Variants in ARRB1 observed in about 807,000 individuals in gnomAD.
ARRB1 encodes the protein arrestin beta 1.
ARRB1 carries 21 observed loss-of-function variants against 56.8 expected under a neutral mutation model. The observed-to-expected ratio is 0.37, with a 90% confidence interval of 0.26 to 0.53. ARRB1 has a LOEUF of 0.53. Ranked by LOEUF, ARRB1 falls within the 20% of genes least tolerant of loss-of-function variation. The probability of loss-of-function intolerance (pLI) is 0.88; values close to 1 mark genes in which losing one functional copy is unlikely to be tolerated. For synonymous variants in ARRB1, 210 were observed against 218.6 expected, an observed-to-expected ratio of 0.96 and a Z score of 0.35; for missense variants, 424 against 553.7, an observed-to-expected ratio of 0.77 and a Z score of 2.35.
At chr11:75,283,630 G>A (rs1246545988) in intron 4 of ARRB1, 147 bp from the exon 5 acceptor site, 32 of 796,524 alleles carry the variant, frequency 4.0e-5, no homozygotes, top group Non-Finnish European at 4.4e-5. Context: ...GTCTCCACCA[G>A]GAGGGCTGGT....
intron 1 of ARRB1, among the ~76,000 whole-genome samples, chr11:75,343,150 C>T (rs916533217): frequency 6.6e-6 from 1 of 152,128 alleles, no homozygotes; most frequent in Non-Finnish European, 1.5e-5. Flanking sequence ...CTTGACCTCA[C>T]AAGATGACAT....
At chr11:75,342,292 CCT>C (rs952810996) in intron 1 of ARRB1, among the ~76,000 whole-genome samples, 60 of 152,270 alleles carry the variant, frequency 3.9e-4, no homozygotes, top group African/African-American at 1.3e-3. Context: ...CTGAGCCTCC[CCT>C]GTTACATCTC....
intron 1 of ARRB1, among the ~76,000 whole-genome samples, chr11:75,299,623 C>A (rs2140458767): frequency 6.6e-6 from 1 of 152,274 alleles, no homozygotes; most frequent in Admixed American, 6.5e-5. Flanking sequence ...TTCCAGGAAG[C>A]CTTCCCTGAC....
rs951534835 is a variant in ARRB1, at chr11:75,272,958, C to T, written c.935G>A (p.Arg312His). 13 of 1,613,932 alleles carry T rather than the reference C, an allele frequency of 8.1e-6. No homozygotes were observed. The highest frequency in any genetic ancestry group is 1.1e-5 in the Non-Finnish European group (13 of 1,179,966). ...SSTLLREGAN[R>H]EILGIIVSYK... ...GGAAACAATGATCCCCAGGATCTCA[C>T]GGTTGGCACCTTCCCTCAACCTGCA... Residue 312 changes from arginine (R) to histidine (H), a missense_variant, in exon 12 of 16, where the codon CGT (arginine) becomes CAT (histidine). Physicochemically the swap from Arg to His is conservative, Grantham distance 29. This residue lies in a region of ARRB1 where 121 missense variants were observed against 147.3 expected (regional missense o/e 0.82). Transcript: ENST00000420843.
intron 1 of ARRB1, among the ~76,000 whole-genome samples, chr11:75,335,626 A>T (rs575053253): frequency 6.7e-6 from 1 of 150,248 alleles, no homozygotes; most frequent in South Asian, 2.1e-4. Flanking sequence ...TGAGTCTCGG[A>T]CCTGCCTGCG....
At position 75,263,862 on chromosome 11, in the gene ARRB1, C is replaced by A. The variant is rs1050605653; in HGVS notation, c.*2301G>T. The stretch of plus-strand genomic sequence containing the variant: ...TTGAGGTGCAGGAGGCTCGGGAAAC[C>A]AGCCTGACAAACGTTTTCCATGCAT... On this transcript the variant is annotated 3_prime_UTR_variant, in exon 16 of 16. Transcript: ENST00000420843. Among the ~76,000 whole-genome samples the A allele has an allele frequency of 6.6e-6, 1 of 152,128 alleles. No homozygotes were observed. The highest frequency in any genetic ancestry group is 2.1e-4 in the South Asian group (1 of 4,826).
At chr11:75,315,598 G>A (rs1184955084) in intron 1 of ARRB1, among the ~76,000 whole-genome samples, 2 of 152,070 alleles carry the variant, frequency 1.3e-5, no homozygotes, top group African/African-American at 2.4e-5. Flanking sequence ...GGGTTTTGCT[G>A]GCTACTTCCT....
chr11:75,318,420 T>A (rs998974200), intron 1 of ARRB1, among the ~76,000 whole-genome samples: 1 of 152,118 alleles, frequency 6.6e-6, no homozygotes, highest in African/African-American at 2.4e-5. Context: ...CTGGGCACGG[T>A]GGCTCATGCC....
intron 12 of ARRB1, 97 bp from the exon 13 acceptor site, chr11:75,271,821 G>A (rs1056847726): frequency 7.0e-5 from 95 of 1,352,338 alleles, no homozygotes; most frequent in Non-Finnish European, 9.5e-5. Flanking sequence ...GCTGTCCCCC[G>A]GATAGAGAAG....
At chr11:75,294,130 T>C (rs1462797974) in intron 1 of ARRB1, among the ~76,000 whole-genome samples, 1 of 152,174 alleles carries the variant, frequency 6.6e-6, no homozygotes, top group African/African-American at 2.4e-5. Context: ...GCCAATCAGC[T>C]ATACCTAGGT....
intron 14 of ARRB1, among the ~76,000 whole-genome samples, chr11:75,268,510 CAAAAAAAAAAAAAAAA>C (rs61409833): frequency 1.6e-5 from 1 of 61,428 alleles, no homozygotes; most frequent in African/African-American, 5.3e-5. Context: ...GTCTCAAAAC[CAAAAAAAAAAAAAAAA>C]AAAAAAAAAA....
At chr11:75,286,255 C>CTTTTTTTTTTTTTTTTTTTTTT (rs60988072) in intron 3 of ARRB1, among the ~76,000 whole-genome samples, 1 of 38,678 alleles carries the variant, frequency 2.6e-5, no homozygotes, top group African/African-American at 1.1e-4. Context: ...ATTTGCTCAT[C>CTTTTTTTTTTTTTTTTTTTTTT]TTTTTTTTTT....
chr11:75,315,660 A>C (rs560728055), intron 1 of ARRB1, among the ~76,000 whole-genome samples: 2 of 152,280 alleles, frequency 1.3e-5, no homozygotes, highest in East Asian at 3.9e-4. Flanking sequence ...TCTTGGTAGG[A>C]ATAAACGGAC....
chr11:75,317,922 C>T (rs1434000266), intron 1 of ARRB1, among the ~76,000 whole-genome samples: 1 of 152,160 alleles, frequency 6.6e-6, no homozygotes, highest in Admixed American at 6.5e-5. Flanking sequence ...TTGTGGGCCC[C>T]GGTGCAAACT....
intron 1 of ARRB1, among the ~76,000 whole-genome samples, chr11:75,310,420 G>A (rs1195716062): frequency 2.6e-5 from 4 of 152,190 alleles, no homozygotes; most frequent in Non-Finnish European, 4.4e-5. Flanking sequence ...GGGGGGAAAA[G>A]GTATAAGGAA....
intron 1 of ARRB1, among the ~76,000 whole-genome samples, chr11:75,320,925 G>A (rs1474172796): frequency 2.0e-5 from 3 of 152,128 alleles, no homozygotes; most frequent in African/African-American, 7.2e-5. Flanking sequence ...AGGCTGGGAT[G>A]AGGAGACAGG....
intron 1 of ARRB1, chr11:75,312,200 C>T (rs1179736936): frequency 1.6e-6 from 2 of 1,238,716 alleles, no homozygotes; most frequent in South Asian, 1.3e-5. Context: ...TTCCCAGCAG[C>T]CGTCCCTAGG....
chr11:75,349,259 G>A (rs574995532), intron 1 of ARRB1, among the ~76,000 whole-genome samples: 2 of 152,316 alleles, frequency 1.3e-5, no homozygotes, highest in South Asian at 2.1e-4. Context: ...GCTTCAGGCA[G>A]TGCCTCTTCC....
At chr11:75,321,842 A>C (rs1248615404) in intron 1 of ARRB1, among the ~76,000 whole-genome samples, 1 of 152,196 alleles carries the variant, frequency 6.6e-6, no homozygotes, top group Non-Finnish European at 1.5e-5. Context: ...CATCAGACAT[A>C]TGGTGAATAG....
Sources: gnomAD v4.1 joint callset for allele counts (sites outside exome capture counted in the v4.1 genomes callset) on GRCh38, gnomAD v4.1.1 for gene constraint, gnomAD v4.1.1 regional missense constraint, MANE v1.5 for transcripts, NCBI Gene and HGNC (gene_info 2026-07-23, HGNC 2026-07-21) for gene names.